The following RIN2 variants were observed in gnomAD, a reference collection of about 807,000 sequenced individuals.
RIN2 encodes RAB5 interacting protein 2.
RIN2 carries 36 observed loss-of-function variants against 78.0 expected under a neutral mutation model. That is an observed-to-expected ratio of 0.46 (90% CI 0.35 to 0.61). The LOEUF (loss-of-function observed/expected upper bound fraction) is 0.61. Among genes scored for constraint, RIN2 ranks in the 20% least tolerant of loss-of-function variants. RIN2 has a pLI of 0.00. For synonymous variants in RIN2, 466 were observed against 466.8 expected, an observed-to-expected ratio of 1.00 and a Z score of 0.02; for missense variants, 1,087 against 1,159.7, an observed-to-expected ratio of 0.94 and a Z score of 0.91.
At chr20:19,982,616 A>G (rs1415336515) in intron 9 of RIN2, among the ~76,000 whole-genome samples, 1 of 152,064 alleles carries the variant, frequency 6.6e-6, no homozygotes, top group Non-Finnish European at 1.5e-5. Context: ...ATATTTCTTA[A>G]TATCTCTGTG....
At chr20:19,793,142 T>C (rs2034942040) in intron 1 of RIN2, among the ~76,000 whole-genome samples, 1 of 152,208 alleles carries the variant, frequency 6.6e-6, no homozygotes, top group Non-Finnish European at 1.5e-5. Flanking sequence ...TTAAAATTTT[T>C]TGTAGTCACA....
At chr20:19,848,395 G>C (rs982888973) in intron 2 of RIN2, among the ~76,000 whole-genome samples, 2 of 151,802 alleles carry the variant, frequency 1.3e-5, no homozygotes, top group Non-Finnish European at 2.9e-5. Context: ...AATTAGCTGG[G>C]CGTGGTGGTG....
intron 3 of RIN2, among the ~76,000 whole-genome samples, chr20:19,920,749 C>T (rs1568610534): frequency 6.6e-6 from 1 of 152,190 alleles, no homozygotes; most frequent in African/African-American, 2.4e-5. Context: ...GATCATGGCT[C>T]ACTGGCAACC....
intron 9 of RIN2, among the ~76,000 whole-genome samples, chr20:19,989,201 A>AT: frequency 6.6e-6 from 1 of 151,466 alleles, no homozygotes; most frequent in Non-Finnish European, 1.5e-5. Context: ...CAAATGAAGA[A>AT]TTTTTTAGTC....
chr20:19,995,078 A>C (rs1034250757), intron 11 of RIN2, among the ~76,000 whole-genome samples: 1 of 152,046 alleles, frequency 6.6e-6, no homozygotes, highest in African/African-American at 2.4e-5. Context: ...CCTGATCCAC[A>C]TGGAGGGGAC....
At chr20:19,943,689 C>A (rs1453816265) in intron 4 of RIN2, among the ~76,000 whole-genome samples, 1 of 152,120 alleles carries the variant, frequency 6.6e-6, no homozygotes, top group Non-Finnish European at 1.5e-5. Context: ...GCATTTTGAT[C>A]TCAAATAAGG....
intron 3 of RIN2, among the ~76,000 whole-genome samples, chr20:19,913,937 G>T (rs929039949): frequency 6.6e-6 from 1 of 152,114 alleles, no homozygotes; most frequent in East Asian, 1.9e-4. Flanking sequence ...CTCTTGCCCC[G>T]AATAAAAATA....
intron 1 of RIN2, among the ~76,000 whole-genome samples, chr20:19,767,096 T>C (rs1253291359): frequency 4.6e-5 from 7 of 152,148 alleles, no homozygotes; most frequent in Non-Finnish European, 1.0e-4. Flanking sequence ...ACTTAACGTG[T>C]CTACAGAGGA....
At chr20:19,762,985 G>A (rs1262129494) in intron 1 of RIN2, among the ~76,000 whole-genome samples, 2 of 151,980 alleles carry the variant, frequency 1.3e-5, no homozygotes, top group African/African-American at 4.8e-5. Flanking sequence ...GGCTGGTCTC[G>A]AACTCCTGAC....
chr20:19,767,376 C>T (rs1381176538), intron 1 of RIN2, among the ~76,000 whole-genome samples: 1 of 152,110 alleles, frequency 6.6e-6, no homozygotes, highest in Non-Finnish European at 1.5e-5. Context: ...TCTTTATGGC[C>T]AGTTTTTACA....
chr20:19,792,887 A>T (rs568601529), intron 1 of RIN2, among the ~76,000 whole-genome samples: 1 of 152,056 alleles, frequency 6.6e-6, no homozygotes, highest in South Asian at 2.1e-4. Flanking sequence ...GTTTGGCAGG[A>T]TGGTAACAGG....
chr20:19,764,770 G>T (rs1017117584), intron 1 of RIN2, among the ~76,000 whole-genome samples: 21 of 151,942 alleles, frequency 1.4e-4, no homozygotes, highest in Admixed American at 6.6e-4. Context: ...TTGGCAGGTG[G>T]TTTATAGAGT....
chr20:19,941,650 G>A (rs1197745719), intron 4 of RIN2, among the ~76,000 whole-genome samples: 2 of 152,092 alleles, frequency 1.3e-5, no homozygotes, highest in Admixed American at 6.6e-5. Flanking sequence ...CTATGTCACT[G>A]AGGATTCTCT....
chr20:19,965,174 TGAACAG>T, intron 7 of RIN2, 150 bp downstream of exon 7: 2 of 679,242 alleles, frequency 2.9e-6, no homozygotes, highest in Non-Finnish European at 5.2e-6. Context: ...GTTCACCAAG[TGAACAG>T]GTTCACCAAG....
At chr20:19,980,855 G>T (rs1370266103) in intron 9 of RIN2, among the ~76,000 whole-genome samples, 5 of 152,182 alleles carry the variant, frequency 3.3e-5, no homozygotes, top group African/African-American at 1.2e-4. Context: ...GGAACAAATG[G>T]TGTAGACACA....
At chr20:19,797,592 A>T (rs1326566338) in intron 1 of RIN2, among the ~76,000 whole-genome samples, 3 of 152,210 alleles carry the variant, frequency 2.0e-5, no homozygotes, top group African/African-American at 7.2e-5. Flanking sequence ...ATTAGTAAAG[A>T]TTAGAAGACA....
chr20:19,794,808 C>T (rs761743226), intron 1 of RIN2, among the ~76,000 whole-genome samples: 11 of 152,114 alleles, frequency 7.2e-5, no homozygotes, highest in Admixed American at 1.3e-4. Context: ...CACAACGCCT[C>T]GCACCTACTA....
chr20:19,839,451 G>A (rs2036518419), intron 2 of RIN2, among the ~76,000 whole-genome samples: 1 of 152,206 alleles, frequency 6.6e-6, no homozygotes, highest in Non-Finnish European at 1.5e-5. Flanking sequence ...ACTCGATGAG[G>A]TTCCATAACC....
intron 2 of RIN2, among the ~76,000 whole-genome samples, chr20:19,845,777 G>C (rs533602520): frequency 4.6e-5 from 7 of 152,140 alleles, no homozygotes; most frequent in Middle Eastern, 6.8e-3. Context: ...ATTGCTTTTG[G>C]TGTTTTAGTC....
Sources: allele counts gnomAD v4.1 joint callset (sites outside exome capture counted in the v4.1 genomes callset), GRCh38; gene constraint gnomAD v4.1.1; transcripts MANE v1.5; gene names NCBI Gene and HGNC (gene_info 2026-07-23, HGNC 2026-07-21).